The following NINL variants were observed in gnomAD, a reference collection of about 807,000 sequenced individuals.
The protein encoded by NINL is ninein like, also known as ninein-like protein.
Under a neutral mutation model 160.3 loss-of-function variants are expected in NINL, and 153 were observed. That is an observed-to-expected ratio of 0.95 (90% CI 0.84 to 1.09). The LOEUF (loss-of-function observed/expected upper bound fraction) is 1.09, where lower values mean the gene tolerates loss of function less well. NINL is among the 50% of genes least tolerant of loss of function. The pLI is 0.00. For missense variants in NINL, 1,829 were observed against 1,764.0 expected (o/e 1.04, Z -0.66); for synonymous variants, 800 against 734.8 (o/e 1.09, Z -1.43).
At chr20:25,547,619 T>C (rs1426285418) in intron 1 of NINL, among the ~76,000 whole-genome samples, 2 of 152,240 alleles carry the variant, frequency 1.3e-5, no homozygotes, top group Non-Finnish European at 2.9e-5. Context: ...AATTACGTGG[T>C]GTGGAAAGAC....
chr20:25,458,810 G>C, intron 21 of NINL: 2 of 438,594 alleles, frequency 4.6e-6, no homozygotes, highest in Non-Finnish European at 8.1e-6. Flanking sequence ...ACTCTGCTGC[G>C]TCCAGTGTTA....
intron 1 of NINL, among the ~76,000 whole-genome samples, chr20:25,531,858 C>T (rs1403285387): frequency 6.6e-6 from 1 of 152,190 alleles, no homozygotes; most frequent in Non-Finnish European, 1.5e-5. Flanking sequence ...GCAAGTCCTG[C>T]ACCTAAGCCA....
chr20:25,512,711 G>T, intron 4 of NINL, 123 bp downstream of exon 4: 1 of 1,262,568 alleles, frequency 7.9e-7, no homozygotes, highest in Non-Finnish European at 1.1e-6. Flanking sequence ...TGGCGACTCA[G>T]GGTGCCTGAG....
Position 25,453,311 on chromosome 20 carries a change from A to T in NINL, c.*140T>A. ...TCTTGCCCAGGGCAGACCATTCATT[A>T]ACTATCTGCGGGGTGAACAAAGAAT... On this transcript the variant is annotated 3_prime_UTR_variant, in exon 24 of 24. Coordinates refer to ENST00000278886, the MANE Select transcript of NINL (RefSeq NM_025176.6). The T allele has an allele frequency of 1.4e-6, 1 of 704,798 alleles. No homozygotes were observed. Among genetic ancestry groups the T allele is most frequent in the Non-Finnish European group, 2.2e-6 (1 of 445,178 alleles). 43.7% of individuals were successfully genotyped at this position (704,798 alleles called of 1,614,324 possible).
intron 8 of NINL, chr20:25,498,933 TAG>T (rs2063812962): frequency 1.0e-6 from 1 of 985,422 alleles, no homozygotes; most frequent in Non-Finnish European, 1.2e-6. Context: ...CAACAAAAAA[TAG>T]AGTCACACAC....
At chr20:25,532,900 C>T (rs6138598) in intron 1 of NINL, among the ~76,000 whole-genome samples, 23,990 of 152,122 alleles carry the variant, frequency 0.16, 2,167 homozygotes, top group East Asian at 0.34. Flanking sequence ...CTTTCCGTAA[C>T]CTCTCAAATA....
intron 12 of NINL, 59 bp downstream of exon 12, chr20:25,489,816 C>G (rs1293756342): frequency 6.9e-7 from 1 of 1,459,514 alleles, no homozygotes; most frequent in Admixed American, 1.7e-5. Flanking sequence ...CCCCCGCCAC[C>G]CCCACTCTGC....
intron 5 of NINL, among the ~76,000 whole-genome samples, chr20:25,506,535 C>CTTGACATTTCA (rs1369612678): frequency 6.6e-6 from 1 of 152,190 alleles, no homozygotes. Context: ...CTGAAAATGT[C>CTTGACATTTCA]AAGTCAAAGA....
At chr20:25,582,505 T>C (rs2065185438) in intron 1 of NINL, among the ~76,000 whole-genome samples, 1 of 152,178 alleles carries the variant, frequency 6.6e-6, no homozygotes, top group African/African-American at 2.4e-5. Flanking sequence ...TCCAAGTTCC[T>C]TGGAGAAGGC....
chr20:25,542,733 A>G (rs1292557954), intron 1 of NINL, among the ~76,000 whole-genome samples: 12 of 129,868 alleles, frequency 9.2e-5, no homozygotes, highest in African/African-American at 4.1e-4. Flanking sequence ...AAAAAAAAAA[A>G]AAAAAAAAAA....
At chr20:25,566,591 T>G (rs141725100) in intron 1 of NINL, among the ~76,000 whole-genome samples, 2 of 152,156 alleles carry the variant, frequency 1.3e-5, no homozygotes, top group East Asian at 1.9e-4. Context: ...CATAAAAATA[T>G]GCAAACTCTA....
At chr20:25,460,467 G>A (rs1414642470) in intron 21 of NINL, among the ~76,000 whole-genome samples, 1 of 152,128 alleles carries the variant, frequency 6.6e-6, no homozygotes, top group Non-Finnish European at 1.5e-5. Flanking sequence ...TGGCCCCAGC[G>A]GTGCCTCCCA....
rs375694578 is a variant in NINL, at chr20:25,476,854, G to T, written c.2437C>A (p.Arg813Ser). The stretch of plus-strand genomic sequence containing the variant: ...GAGGGCCCGTCCACTCGCTTCCCGC[G>T]GGCAAGCTCCAACTCCTCCTCCTCG... ...ALEEEELELA[R>S]GKRVDGPSLE... The change falls in exon 17 of 24, where the codon CGC becomes AGC. Residue 813 changes from arginine (R) to serine (S), a missense_variant. Transcript: ENST00000278886. 6.2e-7 allele frequency: 1 copy of T among 1,613,342 alleles called. No homozygotes were observed.
At chr20:25,458,567 T>G in intron 21 of NINL, 38 bp from the exon 22 acceptor site, 5 of 1,520,200 alleles carry the variant, frequency 3.3e-6, no homozygotes, top group Non-Finnish European at 2.6e-6. Context: ...GTGGGGCTGC[T>G]GAGACGCGGC....
At chr20:25,536,673 C>A (rs947449087) in intron 1 of NINL, among the ~76,000 whole-genome samples, 8 of 151,786 alleles carry the variant, frequency 5.3e-5, no homozygotes, top group African/African-American at 1.9e-4. Context: ...AAGCTGAGAT[C>A]ATGCCACTGC....
chr20:25,469,956 C>A (rs779521491), intron 18 of NINL, 35 bp downstream of exon 18: 12 of 1,506,008 alleles, frequency 8.0e-6, no homozygotes, highest in Admixed American at 1.7e-5. Context: ...GCAAAACGCA[C>A]CCCCAGAAGG....
intron 3 of NINL, among the ~76,000 whole-genome samples, chr20:25,517,497 C>T (rs2064182107): frequency 6.6e-6 from 1 of 152,220 alleles, no homozygotes; most frequent in African/African-American, 2.4e-5. Context: ...TAACAGGATT[C>T]CGATCAGTCA....
intron 1 of NINL, among the ~76,000 whole-genome samples, chr20:25,583,252 T>C (rs181735244): frequency 2.7e-4 from 41 of 152,016 alleles, no homozygotes; most frequent in African/African-American, 8.9e-4. Context: ...ATCCAGAATA[T>C]AGAAGGAACT....
chr20:25,476,038 C>CA lies in NINL; in HGVS notation c.3248+4dup. The CA allele has an allele frequency of 6.2e-7, 1 of 1,610,896 alleles. No homozygotes were observed. Among genetic ancestry groups the CA allele is most frequent in the Non-Finnish European group, 8.5e-7 (1 of 1,178,510 alleles). On this transcript the variant is annotated splice_donor_region_variant and intron_variant, in intron 17 of 23. Transcript: ENST00000278886. ...TTTAGTTTTAAGAATGAGTAGAAGG[C>CA]AAACCTGTCGTTCTCTCTCAAATCT...
Sources: allele counts gnomAD v4.1 joint callset (sites outside exome capture counted in the v4.1 genomes callset), GRCh38; gene constraint gnomAD v4.1.1; transcripts MANE v1.5; gene names NCBI Gene and HGNC (gene_info 2026-07-23, HGNC 2026-07-21).